CACNA1C: variants seen among roughly 807,000 people sequenced by gnomAD.
CACNA1C encodes the protein calcium voltage-gated channel subunit alpha1 C, also known as voltage-dependent L-type calcium channel subunit alpha-1C.
Under a neutral mutation model 229.0 loss-of-function variants are expected in CACNA1C, and 30 were observed. The observed-to-expected ratio is 0.13, with a 90% CI of 0.10 to 0.18. The LOEUF is 0.18. Ranked by LOEUF, CACNA1C falls within the 10% of genes least tolerant of loss-of-function variation. The pLI is 1.00. For missense variants in CACNA1C, 1,658 were observed against 2,845.0 expected, an observed-to-expected ratio of 0.58 and a Z score of 9.49; for synonymous variants, 1,114 against 1,132.5, an observed-to-expected ratio of 0.98 and a Z score of 0.33.
At chr12:2,599,213 C>A (rs1166161255) in intron 21 of CACNA1C, among the ~76,000 whole-genome samples, 1 of 152,222 alleles carries the variant, frequency 6.6e-6, no homozygotes, top group Non-Finnish European at 1.5e-5. Context: ...CCTCCCTCTT[C>A]TACTTTCTTC....
intron 5 of CACNA1C, among the ~76,000 whole-genome samples, chr12:2,475,298 CAAA>C (rs797001595): frequency 7.4e-6 from 1 of 134,834 alleles, no homozygotes; most frequent in African/African-American, 2.8e-5. Context: ...GACTCCATCT[CAAA>C]AAAAAAAAGA....
chr12:2,523,836 A>G (rs917273624), intron 9 of CACNA1C, among the ~76,000 whole-genome samples: 2 of 152,110 alleles, frequency 1.3e-5, no homozygotes, highest in Admixed American at 1.3e-4. Context: ...TTCTCCAATA[A>G]CCAGTGCTCA....
chr12:2,511,283 G>A (rs1249984623), intron 8 of CACNA1C, among the ~76,000 whole-genome samples: 2 of 152,150 alleles, frequency 1.3e-5, no homozygotes, highest in Non-Finnish European at 2.9e-5. Context: ...TAAAGACGGT[G>A]CATGCTGAAA....
chr12:2,211,253 A>C (rs1281242986), intron 3 of CACNA1C, among the ~76,000 whole-genome samples: 1 of 152,264 alleles, frequency 6.6e-6, no homozygotes, highest in Non-Finnish European at 1.5e-5. Context: ...TGTAGTTTAC[A>C]GGATGCTACC....
intron 3 of CACNA1C, among the ~76,000 whole-genome samples, chr12:2,317,207 C>T (rs990838587): frequency 6.6e-6 from 1 of 152,200 alleles, no homozygotes; most frequent in African/African-American, 2.4e-5. Flanking sequence ...GATATTCGCA[C>T]ACCCATGTTC....
At chr12:2,199,532 C>T (rs536570085) in intron 3 of CACNA1C, among the ~76,000 whole-genome samples, 5 of 152,084 alleles carry the variant, frequency 3.3e-5, no homozygotes, top group Non-Finnish European at 5.9e-5. Flanking sequence ...ATGTGTTCAT[C>T]GACTATCCTG....
chr12:2,481,336 T>A (rs1218730730), intron 5 of CACNA1C, among the ~76,000 whole-genome samples: 1 of 152,180 alleles, frequency 6.6e-6, no homozygotes, highest in Non-Finnish European at 1.5e-5. Flanking sequence ...GTGCCAGACA[T>A]TGCTTTCTGC....
intron 3 of CACNA1C, among the ~76,000 whole-genome samples, chr12:2,352,176 A>G (rs1174813355): frequency 6.6e-6 from 1 of 152,148 alleles, no homozygotes; most frequent in East Asian, 1.9e-4. Context: ...TGCTCACCTA[A>G]TGTCCCAGAC....
intron 3 of CACNA1C, among the ~76,000 whole-genome samples, chr12:2,324,552 C>G (rs1000626602): frequency 6.6e-6 from 1 of 152,248 alleles, no homozygotes; most frequent in African/African-American, 2.4e-5. Flanking sequence ...CCCCGCCTCC[C>G]CAGGAGAAAA....
At chr12:2,120,100 A>G (rs990271859) in intron 2 of CACNA1C, among the ~76,000 whole-genome samples, 1 of 152,234 alleles carries the variant, frequency 6.6e-6, no homozygotes, top group East Asian at 1.9e-4. Flanking sequence ...TTACTCTGGC[A>G]CGCGACTGGC....
chr12:2,391,657 A>G (rs1033980407), intron 3 of CACNA1C, among the ~76,000 whole-genome samples: 2 of 152,142 alleles, frequency 1.3e-5, no homozygotes. Flanking sequence ...AGTGGGGCAA[A>G]GACAAGGTGT....
At chr12:2,355,526 G>A (rs2097336288) in intron 3 of CACNA1C, among the ~76,000 whole-genome samples, 1 of 152,142 alleles carries the variant, frequency 6.6e-6, no homozygotes. Flanking sequence ...TTCCTTATGA[G>A]ATAGAAATGA....
At chr12:2,296,841 C>G (rs964881061) in intron 3 of CACNA1C, among the ~76,000 whole-genome samples, 4 of 152,242 alleles carry the variant, frequency 2.6e-5, no homozygotes, top group African/African-American at 9.6e-5. Context: ...TTTCACCATT[C>G]TAGCTTTACT....
intron 3 of CACNA1C, among the ~76,000 whole-genome samples, chr12:2,351,495 C>A (rs527967180): frequency 1.3e-5 from 2 of 152,332 alleles, no homozygotes; most frequent in African/African-American, 2.4e-5. Flanking sequence ...CCTCAGTTGC[C>A]CTGTCAGCAA....
intron 3 of CACNA1C, among the ~76,000 whole-genome samples, chr12:2,295,789 G>A (rs1417181184): frequency 6.6e-6 from 1 of 152,236 alleles, no homozygotes; most frequent in Non-Finnish European, 1.5e-5. Flanking sequence ...CTTGACCAAG[G>A]TCATGTGGCT....
chr12:2,594,993 G>A (rs544756935), intron 19 of CACNA1C, among the ~76,000 whole-genome samples: 68 of 152,338 alleles, frequency 4.5e-4, no homozygotes, highest in Middle Eastern at 3.4e-3. Context: ...CGTAGCCTCA[G>A]CTCAGTGGAG....
chr12:2,306,392 G>T (rs1018124237), intron 3 of CACNA1C, among the ~76,000 whole-genome samples: 3 of 152,224 alleles, frequency 2.0e-5, no homozygotes, highest in African/African-American at 7.2e-5. Context: ...GTCTTCTCCT[G>T]AGATCTCTCA....
At chr12:2,048,201 T>C (rs1355203754), upstream of CACNA1C, among the ~76,000 whole-genome samples, 2 of 152,170 alleles carry the variant, frequency 1.3e-5, no homozygotes, top group Non-Finnish European at 2.9e-5. Flanking sequence ...AGGAAGGCAA[T>C]TCTGGGAAAT....
At chr12:2,110,793 T>C (rs187057822) in intron 1 of CACNA1C, among the ~76,000 whole-genome samples, 2 of 152,334 alleles carry the variant, frequency 1.3e-5, no homozygotes, top group African/African-American at 4.8e-5. Context: ...AACGTTTCCA[T>C]TACTGTAAGC....
Sources: allele counts gnomAD v4.1 joint callset (sites outside exome capture counted in the v4.1 genomes callset), GRCh38; gene constraint gnomAD v4.1.1; transcripts MANE v1.5; gene names NCBI Gene and HGNC (gene_info 2026-07-23, HGNC 2026-07-21).